KANSL1L: variants seen among roughly 807,000 people sequenced by gnomAD.
KANSL1L encodes KAT8 regulatory NSL complex subunit 1-like protein.
KANSL1L carries 25 observed loss-of-function variants against 108.6 expected under a neutral mutation model. The observed-to-expected ratio is 0.23, with a 90% confidence interval of 0.17 to 0.32. KANSL1L has a LOEUF of 0.32. Ranked by LOEUF, KANSL1L falls within the 10% of genes least tolerant of loss-of-function variation. The probability of loss-of-function intolerance (pLI) is 1.00; values close to 1 mark genes in which losing one functional copy is unlikely to be tolerated. For missense variants in KANSL1L, 1,137 were observed against 1,125.7 expected (o/e 1.01, Z -0.14); for synonymous variants, 405 against 395.1 (o/e 1.03, Z -0.30).
chr2:210,146,994 G>C (rs1336884218), intron 2 of KANSL1L, among the ~76,000 whole-genome samples: 3 of 152,156 alleles, frequency 2.0e-5, no homozygotes, highest in African/African-American at 7.2e-5. Context: ...GGGAGTTAAA[G>C]GATCTGGGCT....
chr2:210,052,937 A>G (rs2094309689), intron 6 of KANSL1L, among the ~76,000 whole-genome samples: 1 of 152,224 alleles, frequency 6.6e-6, no homozygotes, highest in African/African-American at 2.4e-5. Flanking sequence ...CCTAAATGGA[A>G]AGACAATAAA....
At chr2:210,103,989 C>G in intron 4 of KANSL1L, 115 bp downstream of exon 4, 1 of 735,302 alleles carries the variant, frequency 1.4e-6, no homozygotes, top group Non-Finnish European at 2.3e-6. Flanking sequence ...GCCAGATGGC[C>G]TAGTTTAATA....
chr2:210,050,689 T>C (rs1206695466), intron 6 of KANSL1L, among the ~76,000 whole-genome samples: 1 of 119,428 alleles, frequency 8.4e-6, no homozygotes, highest in Non-Finnish European at 1.7e-5. Flanking sequence ...AGACCATCTC[T>C]ACAGAAAAAA....
At chr2:210,024,305 T>G in intron 13 of KANSL1L, 104 bp from the exon 14 acceptor site, 2 of 832,976 alleles carry the variant, frequency 2.4e-6, no homozygotes, top group Non-Finnish European at 3.5e-6. Context: ...TTGGTAACTT[T>G]AAACAGTTTT....
chr2:210,141,870 G>C (rs1204968656), intron 2 of KANSL1L, among the ~76,000 whole-genome samples: 3 of 152,150 alleles, frequency 2.0e-5, no homozygotes, highest in Non-Finnish European at 4.4e-5. Context: ...TGTATATGTG[G>C]AACCATCCTT....
chr2:210,029,689 C>A, intron 10 of KANSL1L, 114 bp downstream of exon 10: 1 of 485,910 alleles, frequency 2.1e-6, no homozygotes, highest in Non-Finnish European at 3.6e-6. Context: ...TTATAAATGT[C>A]TGTTAATATG....
chr2:210,075,232 CTCTTA>C (rs1163624702), intron 6 of KANSL1L, among the ~76,000 whole-genome samples: 1 of 152,016 alleles, frequency 6.6e-6, no homozygotes, highest in African/African-American at 2.4e-5. Flanking sequence ...TTGTGTTACC[CTCTTA>C]TCTTTGACAG....
intron 3 of KANSL1L, among the ~76,000 whole-genome samples, chr2:210,113,964 T>C (rs879717498): frequency 6.6e-6 from 1 of 152,086 alleles, no homozygotes; most frequent in Non-Finnish European, 1.5e-5. Flanking sequence ...TGGCCCAACA[T>C]ATAAATGTGG....
At chr2:210,042,488 A>G (rs978299122) in intron 7 of KANSL1L, among the ~76,000 whole-genome samples, 8 of 152,208 alleles carry the variant, frequency 5.3e-5, no homozygotes, top group Non-Finnish European at 1.2e-4. Context: ...AACAGGCAGT[A>G]AAGTAATGGT....
At chr2:210,153,366 TAA>T (rs368253256) in intron 2 of KANSL1L, 127 bp downstream of exon 2, 1,761 of 586,512 alleles carry the variant, frequency 3.0e-3, no homozygotes, top group Non-Finnish European at 3.4e-3. Context: ...AAATAAAAAT[TAA>T]AAAAAAAAAA....
chr2:210,151,639 T>A (rs1321887473), intron 2 of KANSL1L: 1 of 152,224 alleles, frequency 6.6e-6, no homozygotes, highest in Non-Finnish European at 1.5e-5. Context: ...TGGTAAATTA[T>A]TTAACCCATG....
At chr2:210,148,122 A>C (rs2095278229) in intron 2 of KANSL1L, among the ~76,000 whole-genome samples, 1 of 152,202 alleles carries the variant, frequency 6.6e-6, no homozygotes, top group Non-Finnish European at 1.5e-5. Context: ...TATGCTGACC[A>C]ATTTAGGGAA....
intron 7 of KANSL1L, among the ~76,000 whole-genome samples, chr2:210,041,382 C>T (rs957252106): frequency 6.6e-6 from 1 of 152,166 alleles, no homozygotes; most frequent in Non-Finnish European, 1.5e-5. Flanking sequence ...TTTAAGGAAA[C>T]TCATTTGAAT....
intron 10 of KANSL1L, 58 bp from the exon 11 acceptor site, chr2:210,029,027 C>G: frequency 1.5e-6 from 2 of 1,373,252 alleles, no homozygotes; most frequent in Non-Finnish European, 2.0e-6. Flanking sequence ...TAATGATACC[C>G]TCCTTTCATC....
chr2:210,161,087 G>A (rs1273670719), intron 1 of KANSL1L, among the ~76,000 whole-genome samples: 1 of 149,740 alleles, frequency 6.7e-6, no homozygotes, highest in African/African-American at 2.5e-5. Flanking sequence ...CTCCCAGGTT[G>A]AAGTGATTCT....
In KANSL1L at chr2:210,157,145, C is replaced by T. The variant is rs568136372; in HGVS notation, c.-29-2534G>A. ...ACCTATGTCTTCTAATCAATAAACA[C>T]CCACAATAGTATTTAGTGTCTACAT... is the stretch of plus-strand genomic sequence containing the variant. On this transcript the variant is annotated intron_variant, in intron 1 of 14. Coordinates refer to ENST00000281772, the MANE Select transcript of KANSL1L (RefSeq NM_152519.4). Among the ~76,000 whole-genome samples the T allele has an allele frequency of 7.9e-5, 12 of 152,100 alleles. No homozygotes were observed. In the South Asian group the frequency reaches 1.7e-3, roughly 21 times the overall value.
chr2:210,142,345 G>GTC (rs1188743966), intron 2 of KANSL1L, among the ~76,000 whole-genome samples: 1 of 151,868 alleles, frequency 6.6e-6, no homozygotes, highest in African/African-American at 2.4e-5. Context: ...CAGCTGTAAT[G>GTC]TCTCCTTTTT....
chr2:210,091,159 C>G (rs554983342), intron 5 of KANSL1L, among the ~76,000 whole-genome samples: 4 of 152,230 alleles, frequency 2.6e-5, no homozygotes, highest in Non-Finnish European at 4.4e-5. Flanking sequence ...GTACCCATCA[C>G]CAAATTTTAA....
intron 3 of KANSL1L, among the ~76,000 whole-genome samples, chr2:210,124,280 T>C (rs953659606): frequency 2.6e-5 from 4 of 152,006 alleles, no homozygotes; most frequent in Non-Finnish European, 5.9e-5. Context: ...TCAACAGATA[T>C]AAAAAGAAAG....
Sources: allele counts gnomAD v4.1 joint callset (sites outside exome capture counted in the v4.1 genomes callset), GRCh38; gene constraint gnomAD v4.1.1; transcripts MANE v1.5; gene names NCBI Gene and HGNC (gene_info 2026-07-23, HGNC 2026-07-21).